MAPK8IP3: variants seen among roughly 807,000 people sequenced by gnomAD.
MAPK8IP3 encodes C-Jun-amino-terminal kinase-interacting protein 3.
Under a neutral mutation model 157.8 loss-of-function variants are expected in MAPK8IP3, and 49 were observed. The observed-to-expected ratio is 0.31, with a 90% CI of 0.25 to 0.39. The LOEUF (loss-of-function observed/expected upper bound fraction) is 0.39, where lower values mean the gene tolerates loss of function less well. Among genes scored for constraint, MAPK8IP3 ranks in the 10% least tolerant of loss-of-function variants. The pLI, the probability that MAPK8IP3 is intolerant of heterozygous loss-of-function variation, is 1.00. For missense variants in MAPK8IP3, 1,478 were observed against 1,889.4 expected, an observed-to-expected ratio of 0.78 and a Z score of 4.04; for synonymous variants, 897 against 777.7, an observed-to-expected ratio of 1.15 and a Z score of -2.55.
rs1344254855 is a variant in MAPK8IP3, at chr16:1,737,431, AGT to A, written c.603-5895_603-5894del. Among the ~76,000 whole-genome samples, 9 of 79,262 alleles carry A rather than the reference AGT, an allele frequency of 1.1e-4. 1 individual carries two copies. The highest frequency in any genetic ancestry group is 1.7e-4 in the Non-Finnish European group (7 of 42,130). 52.0% of individuals were successfully genotyped at this position (79,262 alleles called of 152,430 possible). A position where few individuals can be genotyped will look rare whatever the true frequency, so the allele number is the denominator to read the frequency against. ...GACCGTCCGTGTGAGCGTCCGTGTGAGTGTGTGAGCGTCCGTGTGAGTGTGAC... is the reference window on the plus strand; with the variant it reads ...GACCGTCCGTGTGAGCGTCCGTGTGAGTGTGAGCGTCCGTGTGAGTGTGAC... On this transcript the variant is annotated intron_variant, in intron 4 of 31. Coordinates refer to ENST00000610761, the MANE Select transcript of MAPK8IP3 (RefSeq NM_001318852.2).
chr16:1,706,243 G>T lies in MAPK8IP3; in HGVS notation c.-97G>T, dbSNP rs2037377366. ...AGCCCTGAGGCGACAGCAGCTGCGG[G>T]AGGCGACGGGCTGCGGCCTGCGGAA... is the stretch of plus-strand genomic sequence containing the variant. On this transcript the variant is annotated 5_prime_UTR_variant, in exon 1 of 32. Coordinates refer to ENST00000610761, the MANE Select transcript of MAPK8IP3 (RefSeq NM_001318852.2). The surrounding 1 kb of genome is among the most constrained non-coding windows in gnomAD (Gnocchi z 5.1). 2 of 1,146,614 alleles carry T rather than the reference G, an allele frequency of 1.7e-6. No individual in the cohort carries two copies. Among genetic ancestry groups the T allele is most frequent in the Non-Finnish European group, 2.3e-6 (2 of 868,988 alleles). 71.0% of individuals were successfully genotyped at this position (1,146,614 alleles called of 1,614,324 possible).
chr16:1,713,079 G>A (rs778102842), intron 1 of MAPK8IP3, among the ~76,000 whole-genome samples: 2 of 152,212 alleles, frequency 1.3e-5, no homozygotes, highest in Non-Finnish European at 2.9e-5. Context: ...TCACCAAACT[G>A]TGCAGTTCCG....
chr16:1,757,175 A>G (rs1035115115), intron 8 of MAPK8IP3, among the ~76,000 whole-genome samples: 2 of 151,996 alleles, frequency 1.3e-5, no homozygotes, highest in East Asian at 3.9e-4. Context: ...GCGTGATCTC[A>G]GCTCACTGCA....
At chr16:1,758,206 G>C (rs753705824) in intron 9 of MAPK8IP3, 47 bp downstream of exon 9, 2 of 1,609,892 alleles carry the variant, frequency 1.2e-6, no homozygotes, top group Non-Finnish European at 1.7e-6. Flanking sequence ...GTGACGGGGG[G>C]AGTGGGTGGA....
At chr16:1,760,594 C>A in intron 12 of MAPK8IP3, 62 bp downstream of exon 12, 4 of 1,551,384 alleles carry the variant, frequency 2.6e-6, no homozygotes, top group Non-Finnish European at 2.6e-6. Context: ...TCTGGAGTGG[C>A]TGCCTCCTCC....
chr16:1,728,441 G>A lies in MAPK8IP3; in HGVS notation c.440-697G>A, dbSNP rs562127430. On this transcript the variant is annotated intron_variant, in intron 2 of 31. Coordinates refer to ENST00000610761, the MANE Select transcript of MAPK8IP3 (RefSeq NM_001318852.2). The stretch of plus-strand genomic sequence containing the variant: ...TGTGCACCTGTTGCCTGTGCCTGGC[G>A]TGCCTGGGTTTTGCCTGCATCTCAG... Among the ~76,000 whole-genome samples, 47 of 152,340 alleles carry A rather than the reference G, an allele frequency of 3.1e-4. 1 individual carries two copies. The South Asian group carries it at 7.7e-3, about 25-fold the overall frequency.
At chr16:1,735,238 G>C (rs1567161271) in intron 4 of MAPK8IP3, among the ~76,000 whole-genome samples, 1 of 152,142 alleles carries the variant, frequency 6.6e-6, no homozygotes, top group East Asian at 1.9e-4. Context: ...GCGTCCATGT[G>C]ACCATCGGTG....
rs2037400078 is a variant in MAPK8IP3 at position 1,706,634 on chromosome 16, G to T, written c.295G>T (p.Ala99Ser). Reference sequence around the variant, plus strand: ...GCTCACCCAGTACGAGCGTGAGAAGGCGCTGCGCAGGCAGGCGGAGGAGGT... The same window carrying T: ...GCTCACCCAGTACGAGCGTGAGAAGTCGCTGCGCAGGCAGGCGGAGGAGGT... ...QLLTQYEREK[A>S]LRRQAEEKFI... Residue 99 changes from alanine (A) to serine (S), a missense_variant, in exon 1 of 32, where the codon GCG becomes TCG. By Grantham distance (99) the Ala-to-Ser change is moderately conservative. Transcript: ENST00000610761. The surrounding 1 kb of genome is among the most constrained non-coding windows in gnomAD (Gnocchi z 5.1). 1.3e-6 allele frequency: 2 copies of T among 1,569,396 alleles called. No individual in the cohort carries two copies. The highest frequency in any genetic ancestry group is 1.7e-6 in the Non-Finnish European group (2 of 1,158,008).
chr16:1,764,419 G>A lies in MAPK8IP3; in HGVS notation c.2240G>A (p.Gly747Asp), dbSNP rs1287465278. 2.5e-6 allele frequency: 4 copies of A among 1,606,388 alleles called. No homozygotes were observed. Among genetic ancestry groups the A allele is most frequent in the African/African-American group, 1.3e-5 (1 of 74,848 alleles). Residue 747 changes from glycine to aspartate, a missense_variant, in exon 19 of 32, where the codon GGC (glycine) becomes GAC (aspartate). By Grantham distance (94) the Gly-to-Asp change is moderately conservative. This residue lies in a region of MAPK8IP3 where 669 missense variants were observed against 759.8 expected (regional missense o/e 0.88). Transcript: ENST00000610761. ...DPLTCDREGD[G>D]EPKSAHTSPE... ...CTGACCTGCGACCGCGAAGGAGACGGCGAGCCCAAGAGCGCCCACACGTCT... is the reference window on the plus strand; with the variant it reads ...CTGACCTGCGACCGCGAAGGAGACGACGAGCCCAAGAGCGCCCACACGTCT...
rs925202352 is a variant in MAPK8IP3 at position 1,762,374 on chromosome 16, C to T, written c.1563C>T (p.Arg521=). The T allele has an allele frequency of 1.3e-6, 2 of 1,583,460 alleles. No individual in the cohort carries two copies. Among genetic ancestry groups the T allele is most frequent in the Non-Finnish European group, 1.7e-6 (2 of 1,165,102 alleles). ...TESDKIPMAQ[R]RRFTRVEMAR... ...AGGACAAAATCCCCATGGCCCAGCG[C>T]CGCCGCTTCACGCGGGTGGAGATGG... Residue 521 remains arginine, a synonymous_variant, in exon 14 of 32, where the codon CGC becomes CGT. Transcript: ENST00000610761.
At position 1,724,771 on chromosome 16, in the gene MAPK8IP3, G is replaced by A. The variant is rs991683263; in HGVS notation, c.439+94G>A. The A allele has an allele frequency of 1.3e-6, 2 of 1,512,546 alleles. No individual in the cohort carries two copies. The highest frequency in any genetic ancestry group is 1.8e-6 in the Non-Finnish European group (2 of 1,124,318). 93.7% of individuals were successfully genotyped at this position (1,512,546 alleles called of 1,614,324 possible). A position where few individuals can be genotyped will look rare whatever the true frequency, so the allele number is the denominator to read the frequency against. On this transcript the variant is annotated intron_variant, in intron 2 of 31. Transcript: ENST00000610761. The surrounding 1 kb of genome is among the most constrained non-coding windows in gnomAD (Gnocchi z 4.1). Reference sequence around the variant, plus strand: ...GGGCATGGAGCGCCTTCCACACAAGGGGACGAGAGGAAGCCCAGTGGGAGC... The same window carrying A: ...GGGCATGGAGCGCCTTCCACACAAGAGGACGAGAGGAAGCCCAGTGGGAGC...
chr16:1,736,744 A>G (rs569869559), intron 4 of MAPK8IP3, among the ~76,000 whole-genome samples: 5 of 36,456 alleles, frequency 1.4e-4, no homozygotes, highest in Admixed American at 5.3e-4. Context: ...GCGTGTGACC[A>G]TCCATGTGAG....
rs566167805 is a variant in MAPK8IP3, at chr16:1,729,046, C to T, written c.440-92C>T. The T allele has an allele frequency of 8.6e-6, 11 of 1,275,080 alleles. No homozygotes were observed. In the South Asian group the frequency reaches 1.3e-4, roughly 16 times the overall value. 79.0% of individuals were successfully genotyped at this position (1,275,080 alleles called of 1,614,324 possible). ...TCAGGACCCAGAGTCCCAGCCTTGT[C>T]CTGGAACCCCCTCCCTCTGTGGTTA... On this transcript the variant is annotated intron_variant, in intron 2 of 31. Transcript: ENST00000610761.
At chr16:1,718,091 G>A (rs1480564301) in intron 1 of MAPK8IP3, among the ~76,000 whole-genome samples, 1 of 152,000 alleles carries the variant, frequency 6.6e-6, no homozygotes, top group Non-Finnish European at 1.5e-5. Context: ...CTGACCTCAA[G>A]GTTCGCCCGC....
chr16:1,754,250 G>A (rs748473919), intron 8 of MAPK8IP3, among the ~76,000 whole-genome samples: 1 of 152,046 alleles, frequency 6.6e-6, no homozygotes, highest in Non-Finnish European at 1.5e-5. Flanking sequence ...GCTGGGAGCT[G>A]TACCAGCTAT....
intron 4 of MAPK8IP3, among the ~76,000 whole-genome samples, chr16:1,733,520 C>T (rs1355468913): frequency 2.0e-5 from 3 of 152,208 alleles, no homozygotes; most frequent in Non-Finnish European, 4.4e-5. Flanking sequence ...AGGAGTACTT[C>T]GTCCTGCATG....
At chr16:1,738,801 C>A (rs2040326929) in intron 4 of MAPK8IP3, among the ~76,000 whole-genome samples, 1 of 121,630 alleles carries the variant, frequency 8.2e-6, no homozygotes, top group Admixed American at 9.0e-5. Flanking sequence ...GTGAGTGTGA[C>A]CACCCATGTG....
At chr16:1,753,247 T>C (rs547145078) in intron 8 of MAPK8IP3, among the ~76,000 whole-genome samples, 13 of 152,134 alleles carry the variant, frequency 8.5e-5, no homozygotes, top group Non-Finnish European at 1.8e-4. Flanking sequence ...TTCCATCGAA[T>C]CTCAGACAAC....
chr16:1,751,154 T>A lies in MAPK8IP3; in HGVS notation c.1216+2434T>A, dbSNP rs939292677. On this transcript the variant is annotated intron_variant, in intron 8 of 31. Coordinates refer to ENST00000610761, the MANE Select transcript of MAPK8IP3 (RefSeq NM_001318852.2). This position sits in a 1 kb window ranked among gnomAD's most constrained non-coding sequence, Gnocchi z 5.0. ...AGCCGCCCTCCTGCCAGTGTCCCCATTTATAGATGAAGAAACTGAGGCCGG... is the reference window on the plus strand; with the variant it reads ...AGCCGCCCTCCTGCCAGTGTCCCCAATTATAGATGAAGAAACTGAGGCCGG... Among the ~76,000 whole-genome samples, 1 of 152,056 alleles carries A rather than the reference T, an allele frequency of 6.6e-6. No individual in the cohort carries two copies.
Sources: allele counts gnomAD v4.1 joint callset (sites outside exome capture counted in the v4.1 genomes callset), GRCh38; gene constraint gnomAD v4.1.1; regional missense constraint gnomAD v4.1.1; non-coding constraint Gnocchi (gnomAD v3.1); transcripts MANE v1.5; gene names NCBI Gene and HGNC (gene_info 2026-07-23, HGNC 2026-07-21).